AGBL3: variants seen among roughly 807,000 people sequenced by gnomAD.
AGBL3 encodes AGBL carboxypeptidase 3, also known as cytosolic carboxypeptidase 3.
A neutral mutation model predicts 94.5 loss-of-function variants in AGBL3; 68 were observed. That is an observed-to-expected ratio of 0.72 (90% confidence interval 0.59 to 0.88). The LOEUF (loss-of-function observed/expected upper bound fraction) is 0.88. AGBL3 is among the 40% of genes least tolerant of loss of function. AGBL3 has a pLI of 0.00. For missense variants in AGBL3, 934 were observed against 1,103.8 expected (o/e 0.85, Z 2.18); for synonymous variants, 354 against 370.7 (o/e 0.95, Z 0.52).
chr7:135,015,671 ATC>A (rs1813689090), intron 4 of AGBL3, among the ~76,000 whole-genome samples: 1 of 152,000 alleles, frequency 6.6e-6, no homozygotes, highest in Non-Finnish European at 1.5e-5. Context: ...AATTAATAAA[ATC>A]TCTGTTTTCT....
At chr7:134,997,471 G>A (rs186712505) in intron 4 of AGBL3, among the ~76,000 whole-genome samples, 12 of 152,316 alleles carry the variant, frequency 7.9e-5, no homozygotes, top group African/African-American at 2.6e-4. Flanking sequence ...ATGAAGTGCT[G>A]CAAATCAGGG....
intron 14 of AGBL3, 117 bp from the exon 15 acceptor site, chr7:135,081,597 GAACTA>G: frequency 1.8e-6 from 1 of 541,138 alleles, no homozygotes; most frequent in Non-Finnish European, 3.1e-6. Flanking sequence ...TAATTTCATT[GAACTA>G]AACTACTGTC....
intron 12 of AGBL3, among the ~76,000 whole-genome samples, chr7:135,062,247 A>AT (rs1452237346): frequency 6.6e-5 from 10 of 151,836 alleles, no homozygotes; most frequent in African/African-American, 1.2e-4. Context: ...TTGTATGTTG[A>AT]TTTTTTATCC....
rs1816088380 is a variant in AGBL3 at position 135,034,385 on chromosome 7, A to C, written c.794A>C (p.Tyr265Ser). ...CAGAGAATAGGAGACCAAATCAAGT[A>C]TTATAGGAACAACCCAGGCCAAGAT... Reference protein sequence around the residue: ...GWQRIGDQIKYYRNNPGQDGR... With the variant: ...GWQRIGDQIKSYRNNPGQDGR... Residue 265 changes from tyrosine (Y) to serine (S), a missense_variant, in exon 7 of 17, where the codon TAT becomes TCT. Physicochemically the swap from Tyr to Ser is moderately radical, Grantham distance 144. Around this residue, in one of 3 missense-constraint regions of AGBL3, gnomAD observed 488 missense variants for 563.6 expected, o/e 0.87. Transcript: ENST00000436302. 1 of 1,551,576 alleles carries C rather than the reference A, an allele frequency of 6.4e-7. No homozygotes were observed. The highest frequency in any genetic ancestry group is 8.7e-7 in the Non-Finnish European group (1 of 1,146,996).
chr7:135,050,572 A>G (rs10282179), intron 11 of AGBL3, among the ~76,000 whole-genome samples: 73,966 of 151,646 alleles, frequency 0.49, 18,374 homozygotes, highest in South Asian at 0.66. Context: ...TTGGCTGCAT[A>G]TATATTTGTG....
chr7:135,068,249 C>A lies in AGBL3; in HGVS notation c.1909-8148C>A, dbSNP rs963643258. ...ATGGGACTATGTGAAAAGACCAAAT[C>A]TACGTCTGCTTGGTGTACCTGAAAG... On this transcript the variant is annotated intron_variant, in intron 12 of 16. Transcript: ENST00000436302. 7.0e-4 allele frequency among the ~76,000 whole-genome samples: 106 copies of A among 152,186 alleles called. 1 individual carries two copies. Among genetic ancestry groups the A allele is most frequent in the African/African-American group, 2.5e-3 (104 of 41,450 alleles).
At chr7:135,101,361 C>G (rs1823803308) in intron 15 of AGBL3, 2 of 398,740 alleles carry the variant, frequency 5.0e-6, no homozygotes, top group Admixed American at 5.8e-5. Context: ...TCCTATGAAA[C>G]TTGGATTATG....
chr7:135,014,365 C>A (rs1021560093), intron 4 of AGBL3, among the ~76,000 whole-genome samples: 2 of 151,708 alleles, frequency 1.3e-5, no homozygotes, highest in Admixed American at 1.3e-4. Flanking sequence ...AAGTTAAACA[C>A]CTTTAATTCA....
chr7:135,010,366 A>G (rs1221901957), intron 4 of AGBL3: 1 of 201,428 alleles, frequency 5.0e-6, no homozygotes, highest in Non-Finnish European at 1.0e-5. Flanking sequence ...CTGACCTGTA[A>G]TTTTCAAAAG....
intron 12 of AGBL3, among the ~76,000 whole-genome samples, chr7:135,072,042 C>A (rs998070366): frequency 3.3e-5 from 5 of 152,118 alleles, no homozygotes; most frequent in South Asian, 2.1e-4. Context: ...CCAAAATCTA[C>A]AATGAACTCA....
At chr7:135,109,047 TC>T (rs141118054) in intron 15 of AGBL3, among the ~76,000 whole-genome samples, 36,122 of 152,110 alleles carry the variant, frequency 0.24, 5,331 homozygotes, top group South Asian at 0.42. Flanking sequence ...TCAGTTAGGT[TC>T]TTTTTTATAC....
intron 11 of AGBL3, among the ~76,000 whole-genome samples, chr7:135,054,250 G>A (rs1202534182): frequency 6.6e-6 from 1 of 152,160 alleles, no homozygotes; most frequent in African/African-American, 2.4e-5. Flanking sequence ...AATTTACCTG[G>A]AAGGCCATTT....
chr7:135,061,344 A>T (rs1428831329), intron 12 of AGBL3, among the ~76,000 whole-genome samples: 1 of 151,328 alleles, frequency 6.6e-6, no homozygotes, highest in African/African-American at 2.4e-5. Context: ...ATGTCTCATC[A>T]TTCTGTTGAT....
At chr7:135,080,528 G>A (rs1383999661) in intron 14 of AGBL3, among the ~76,000 whole-genome samples, 1 of 152,200 alleles carries the variant, frequency 6.6e-6, no homozygotes, top group Non-Finnish European at 1.5e-5. Flanking sequence ...TTGGAGAATA[G>A]AGAGGTCCAC....
chr7:135,084,033 T>A (rs962860847), intron 15 of AGBL3, among the ~76,000 whole-genome samples: 4 of 152,210 alleles, frequency 2.6e-5, no homozygotes, highest in Non-Finnish European at 4.4e-5. Context: ...CCAACCTTTT[T>A]CATCTTGAAT....
chr7:134,988,076 A>C, intron 2 of AGBL3, 80 bp downstream of exon 2: 1 of 1,073,740 alleles, frequency 9.3e-7, no homozygotes, highest in Non-Finnish European at 1.3e-6. Context: ...TATAAAATCA[A>C]TTGGATATAA....
chr7:135,006,514 T>A (rs745643927), intron 4 of AGBL3, among the ~76,000 whole-genome samples: 36 of 151,976 alleles, frequency 2.4e-4, no homozygotes, highest in Non-Finnish European at 4.7e-4. Flanking sequence ...TTTGTTCATA[T>A]AACAGTGGAC....
At chr7:135,067,639 G>A (rs1819472397) in intron 12 of AGBL3, among the ~76,000 whole-genome samples, 1 of 152,210 alleles carries the variant, frequency 6.6e-6, no homozygotes, top group Non-Finnish European at 1.5e-5. Flanking sequence ...GGTCTGGAGT[G>A]GACCTCCAGC....
chr7:135,055,689 C>A (rs1329724832), intron 11 of AGBL3, among the ~76,000 whole-genome samples: 1 of 152,046 alleles, frequency 6.6e-6, no homozygotes, highest in Non-Finnish European at 1.5e-5. Flanking sequence ...GATTTTTGCA[C>A]CTGTGTTCAT....
Sources: gnomAD v4.1 joint callset for allele counts (sites outside exome capture counted in the v4.1 genomes callset) on GRCh38, gnomAD v4.1.1 for gene constraint, gnomAD v4.1.1 regional missense constraint, MANE v1.5 for transcripts, NCBI Gene and HGNC (gene_info 2026-07-23, HGNC 2026-07-21) for gene names.